SPMIP11: variants seen among roughly 807,000 people sequenced by gnomAD.
SPMIP11 encodes sperm microtubule inner protein 11, also known as long intergenic non-protein coding RNA 935.
At chr12:48,765,713 AAGG>A in the SPMIP11 span, 113 of 701,760 alleles carry the variant, frequency 1.6e-4, 2 homozygotes, top group South Asian at 1.6e-3. Context: ...AGGGGGAAAG[AAGG>A]AGGTTTCCCA....
the SPMIP11 span, among the ~76,000 whole-genome samples, chr12:48,762,517 G>A: frequency 1.3e-4 from 20 of 151,500 alleles, no homozygotes; most frequent in Middle Eastern, 6.8e-3. Context: ...ACAGGCACCC[G>A]CCACCATGCC....
At chr12:48,753,693 T>G in the SPMIP11 span, among the ~76,000 whole-genome samples, 68 of 111,832 alleles carry the variant, frequency 6.1e-4, no homozygotes, top group African/African-American at 1.9e-3. Context: ...TTTTTTTTTC[T>G]TTTTTTTTTT....
chr12:48,761,719 CT>C, the SPMIP11 span, among the ~76,000 whole-genome samples: 879 of 95,250 alleles, frequency 9.2e-3, 3 homozygotes, highest in East Asian at 0.022. Flanking sequence ...ATATAACATT[CT>C]TTTTTTTTTT....
the SPMIP11 span, among the ~76,000 whole-genome samples, chr12:48,739,422 T>C: frequency 6.6e-6 from 1 of 152,208 alleles, no homozygotes; most frequent in Non-Finnish European, 1.5e-5. Flanking sequence ...GGATCCTGAC[T>C]TTTTTAACTT....
the SPMIP11 span, among the ~76,000 whole-genome samples, chr12:48,738,999 A>G: frequency 2.0e-5 from 3 of 151,636 alleles, no homozygotes; most frequent in Non-Finnish European, 4.4e-5. Context: ...TTTAATTTCC[A>G]AGGACCATTT....
chr12:48,765,111 C>T, the SPMIP11 span: 1 of 598,818 alleles, frequency 1.7e-6, no homozygotes, highest in African/African-American at 1.9e-5. Flanking sequence ...AGATTTGAGT[C>T]TTACCAGAGA....
At chr12:48,762,253 T>C in the SPMIP11 span, among the ~76,000 whole-genome samples, 1 of 148,474 alleles carries the variant, frequency 6.7e-6, no homozygotes, top group Admixed American at 6.8e-5. Context: ...AGAGACAGGG[T>C]TTCACCGTGT....
At chr12:48,746,103 G>T in the SPMIP11 span, among the ~76,000 whole-genome samples, 1 of 152,074 alleles carries the variant, frequency 6.6e-6, no homozygotes, top group Non-Finnish European at 1.5e-5. Context: ...AAATAAACAA[G>T]ATACAAATTG....
At chr12:48,763,774 G>T in the SPMIP11 span, among the ~76,000 whole-genome samples, 1 of 151,400 alleles carries the variant, frequency 6.6e-6, no homozygotes, top group Non-Finnish European at 1.5e-5. Flanking sequence ...CATCTCTCGG[G>T]TTCAAGCAAT....
the SPMIP11 span, among the ~76,000 whole-genome samples, chr12:48,746,619 C>A: frequency 6.6e-6 from 1 of 152,102 alleles, no homozygotes. Context: ...CCTGCCTTGG[C>A]CTCCCAAAGT....
At chr12:48,760,599 C>T in the SPMIP11 span, among the ~76,000 whole-genome samples, 3,920 of 152,014 alleles carry the variant, frequency 0.026, 169 homozygotes, top group African/African-American at 0.088. Flanking sequence ...CGATCTTGGC[C>T]CACTGCAACC....
the SPMIP11 span, chr12:48,770,801 T>C: frequency 1.2e-6 from 2 of 1,614,214 alleles, no homozygotes; most frequent in Non-Finnish European, 1.7e-6. Flanking sequence ...GGAGTGCTCA[T>C]TGATGTGCTT....
the SPMIP11 span, among the ~76,000 whole-genome samples, chr12:48,756,730 G>A: frequency 4.0e-5 from 6 of 151,618 alleles, no homozygotes; most frequent in African/African-American, 7.3e-5. Context: ...ATACAGAATC[G>A]AGGCACTGAA....
At chr12:48,751,958 T>C in the SPMIP11 span, among the ~76,000 whole-genome samples, 1 of 151,816 alleles carries the variant, frequency 6.6e-6, no homozygotes, top group African/African-American at 2.4e-5. Flanking sequence ...TCCCAGCTAC[T>C]TGGGAGGCCG....
the SPMIP11 span, chr12:48,770,743 G>A: frequency 6.3e-4 from 1,012 of 1,607,896 alleles, 4 homozygotes; most frequent in African/African-American, 8.5e-3. Context: ...GGGAAAACCC[G>A]CCAAGCAACA....
the SPMIP11 span, among the ~76,000 whole-genome samples, chr12:48,749,695 C>CTTCT: frequency 7.5e-3 from 873 of 116,646 alleles, 11 homozygotes; most frequent in African/African-American, 0.024. Flanking sequence ...TCTTCTTCTT[C>CTTCT]TTTTTTTTTT....
chr12:48,762,436 C>T, the SPMIP11 span, among the ~76,000 whole-genome samples: 4 of 133,126 alleles, frequency 3.0e-5, no homozygotes, highest in South Asian at 2.5e-4. Flanking sequence ...GGTGCGATCT[C>T]GGCTCACTGC....
chr12:48,760,116 A>T, the SPMIP11 span, among the ~76,000 whole-genome samples: 1 of 151,312 alleles, frequency 6.6e-6, no homozygotes, highest in African/African-American at 2.4e-5. Context: ...AATTTGAATT[A>T]GACTTGGAAG....
At chr12:48,747,897 A>G in the SPMIP11 span, among the ~76,000 whole-genome samples, 1 of 152,162 alleles carries the variant, frequency 6.6e-6, no homozygotes, top group Admixed American at 6.6e-5. Context: ...ACCTGTCGAG[A>G]CAAAGGTGAC....
Sources: allele counts gnomAD v4.1 joint callset (sites outside exome capture counted in the v4.1 genomes callset), GRCh38; gene constraint gnomAD v4.1.1; transcripts MANE v1.5; gene names NCBI Gene and HGNC (gene_info 2026-07-23, HGNC 2026-07-21).